The following STXBP5 variants were observed in gnomAD, a reference collection of about 807,000 sequenced individuals.
STXBP5 encodes syntaxin-binding protein 5.
A neutral mutation model predicts 152.4 loss-of-function variants in STXBP5; 50 were observed. The observed-to-expected ratio is 0.33, with a 90% CI of 0.26 to 0.42. The LOEUF is 0.42. STXBP5 is among the 10% of genes least tolerant of loss of function. STXBP5 has a pLI of 1.00. For missense variants in STXBP5, 1,167 were observed against 1,388.6 expected (o/e 0.84, Z 2.54); for synonymous variants, 492 against 494.7 (o/e 0.99, Z 0.07).
chr6:147,367,435 G>A (rs1347214616), intron 25 of STXBP5, among the ~76,000 whole-genome samples: 2 of 151,994 alleles, frequency 1.3e-5, no homozygotes, highest in Non-Finnish European at 2.9e-5. Context: ...TCAGGAGATC[G>A]AGACCATCCT....
At position 147,385,723 on chromosome 6, in the gene STXBP5, A is replaced by G. The variant is rs1379330736; in HGVS notation, c.*968A>G. 1.3e-5 allele frequency: 2 copies of G among 152,088 alleles called. No individual in the cohort carries two copies. The highest frequency in any genetic ancestry group is 1.3e-4 in the Admixed American group (2 of 15,246). The allele number at this position is 152,088 out of a possible 1,614,324, so 9.4% of individuals were successfully genotyped here. ...ATGTACCTTTGCATTCTTTAATTAA[A>G]ATTGCTTAAAAAAAAACTTTCATTA... On this transcript the variant is annotated 3_prime_UTR_variant, in exon 28 of 28. Coordinates refer to ENST00000321680, the MANE Select transcript of STXBP5 (RefSeq NM_001127715.4).
In STXBP5 at chr6:147,380,095, CACA is replaced by C. The variant is rs142881195; in HGVS notation, c.3194-2678_3194-2676del. Reference sequence around the variant, plus strand: ...CATTTAACACAATTCATATCAAAATCACAACAATTTTTTTTCAGAAAGCAGTAA... The same window carrying C: ...CATTTAACACAATTCATATCAAAATCACAATTTTTTTTCAGAAAGCAGTAA... On this transcript the variant is annotated intron_variant, in intron 26 of 27. Coordinates refer to ENST00000321680, the MANE Select transcript of STXBP5 (RefSeq NM_001127715.4). 7.7e-3 allele frequency among the ~76,000 whole-genome samples: 1,162 copies of C among 151,626 alleles called. 19 individuals are homozygous for C. Among genetic ancestry groups the C allele is most frequent in the African/African-American group, 0.026 (1,067 of 41,324 alleles).
At chr6:147,266,025 T>C (rs192857861) in intron 6 of STXBP5, among the ~76,000 whole-genome samples, 11 of 152,110 alleles carry the variant, frequency 7.2e-5, no homozygotes, top group African/African-American at 2.7e-4. Flanking sequence ...ATCTGAAAGA[T>C]GAGAAGGACT....
chr6:147,236,507 G>A (rs1300402442), intron 3 of STXBP5, among the ~76,000 whole-genome samples: 2 of 152,036 alleles, frequency 1.3e-5, no homozygotes, highest in African/African-American at 4.8e-5. Flanking sequence ...TAGTATGATA[G>A]CAAACCAGGA....
At chr6:147,277,940 A>G in intron 7 of STXBP5, 141 bp from the exon 8 acceptor site, 1 of 709,430 alleles carries the variant, frequency 1.4e-6, no homozygotes, top group Non-Finnish European at 2.2e-6. Context: ...AGAGGGCCAA[A>G]TTATTATGGA....
chr6:147,360,052 G>A (rs959351938), intron 23 of STXBP5, among the ~76,000 whole-genome samples: 4 of 152,162 alleles, frequency 2.6e-5, no homozygotes, highest in Non-Finnish European at 4.4e-5. Context: ...AAAAATGCTC[G>A]CCATCACTGG....
intron 18 of STXBP5, among the ~76,000 whole-genome samples, chr6:147,333,317 T>A (rs1783672575): frequency 6.6e-6 from 1 of 151,726 alleles, no homozygotes; most frequent in Non-Finnish European, 1.5e-5. Flanking sequence ...AAGTCAGGAG[T>A]TCCAGACCAA....
At chr6:147,212,668 G>T (rs1472107408) in intron 2 of STXBP5, among the ~76,000 whole-genome samples, 1 of 152,154 alleles carries the variant, frequency 6.6e-6, no homozygotes, top group African/African-American at 2.4e-5. Flanking sequence ...AGAGAATGAA[G>T]TGTTAGACTC....
intron 2 of STXBP5, among the ~76,000 whole-genome samples, chr6:147,219,799 GT>G (rs35444906): frequency 0.033 from 2,801 of 86,078 alleles, 42 homozygotes; most frequent in African/African-American, 0.11. Context: ...CTAGAAGCTT[GT>G]TTTTTTTTTT....
In STXBP5 at chr6:147,389,273, A is replaced by G. The variant is rs1178755598; in HGVS notation, c.*4518A>G. On this transcript the variant is annotated 3_prime_UTR_variant, in exon 28 of 28. Transcript: ENST00000321680. The stretch of plus-strand genomic sequence containing the variant: ...TTTAAAAAAGGTTCTGTAGACAGAA[A>G]ACAGTTGTTGCAACCAAAAACAACC... 1 of 151,798 alleles carries G rather than the reference A, an allele frequency of 6.6e-6. No individual in the cohort carries two copies. The highest frequency in any genetic ancestry group is 1.5e-5 in the Non-Finnish European group (1 of 67,750). The allele number at this position is 151,798 out of a possible 1,614,324, so 9.4% of individuals were successfully genotyped here.
chr6:147,382,656 T>A (rs1333996873), intron 26 of STXBP5, 122 bp from the exon 27 acceptor site: 3 of 977,710 alleles, frequency 3.1e-6, no homozygotes, highest in Admixed American at 2.3e-5. Context: ...ATATTTCACT[T>A]TATAATTTTA....
chr6:147,260,807 G>A lies in STXBP5; in HGVS notation c.566+58G>A, dbSNP rs544635146. ...CATCAGTTCTATATATAATAATACC[G>A]TTACATCATAGCCAATCAGTAAATC... On this transcript the variant is annotated intron_variant, in intron 5 of 27. Transcript: ENST00000321680. 5.6e-5 allele frequency: 87 copies of A among 1,551,266 alleles called. No homozygotes were observed. In the South Asian group the frequency reaches 5.6e-4, roughly 10 times the overall value.
At chr6:147,310,283 A>AT (rs1351371741) in intron 10 of STXBP5, 45 bp downstream of exon 10, 1 of 1,175,974 alleles carries the variant, frequency 8.5e-7, no homozygotes, top group Non-Finnish European at 1.1e-6. Flanking sequence ...GAGAGCTGAT[A>AT]TTAAAAAAAA....
rs548937050 is a variant in STXBP5, at chr6:147,336,531, TGAAGTGAATCAAAA to T, written c.2146+2313_2146+2326del. Among the ~76,000 whole-genome samples the T allele has an allele frequency of 2.3e-3, 351 of 152,128 alleles. 1 individual carries two copies. Among genetic ancestry groups the T allele is most frequent in the African/African-American group, 8.1e-3 (335 of 41,536 alleles). The stretch of plus-strand genomic sequence containing the variant: ...AAAAGAATAACAGATGGGATGAATT[TGAAGTGAATCAAAA>T]GAACCACAAGGGGATCATGTTTTAA... On this transcript the variant is annotated intron_variant, in intron 19 of 27. Coordinates refer to ENST00000321680, the MANE Select transcript of STXBP5 (RefSeq NM_001127715.4).
intron 5 of STXBP5, among the ~76,000 whole-genome samples, chr6:147,261,485 G>C (rs1246007256): frequency 6.6e-6 from 1 of 152,114 alleles, no homozygotes; most frequent in South Asian, 2.1e-4. Flanking sequence ...TAAGCAAATA[G>C]TGTTGTATTG....
In STXBP5 at chr6:147,277,564, T is replaced by C. The variant is rs141092905; in HGVS notation, c.715-517T>C. ...CTTATCAGAACAGTGTCCCCTGAGA[T>C]TAAAAATTGCCTCAGTAATTACTGT... On this transcript the variant is annotated intron_variant, in intron 7 of 27. Coordinates refer to ENST00000321680, the MANE Select transcript of STXBP5 (RefSeq NM_001127715.4). 5.4e-3 allele frequency among the ~76,000 whole-genome samples: 824 copies of C among 152,156 alleles called. 4 individuals are homozygous for C. Among genetic ancestry groups the C allele is most frequent in the Middle Eastern group, 0.014 (4 of 294 alleles).
At chr6:147,332,512 C>T (rs930966749) in intron 18 of STXBP5, among the ~76,000 whole-genome samples, 3 of 152,146 alleles carry the variant, frequency 2.0e-5, no homozygotes, top group Admixed American at 6.5e-5. Context: ...ACATTTCATA[C>T]AAGAGAACAA....
intron 9 of STXBP5, among the ~76,000 whole-genome samples, chr6:147,308,078 A>T (rs1782182753): frequency 6.6e-6 from 1 of 152,218 alleles, no homozygotes; most frequent in African/African-American, 2.4e-5. Flanking sequence ...CATATAGAAT[A>T]CCTGGCTCAA....
intron 2 of STXBP5, among the ~76,000 whole-genome samples, chr6:147,211,225 C>T (rs1415892832): frequency 1.3e-5 from 2 of 151,208 alleles, no homozygotes; most frequent in Non-Finnish European, 2.9e-5. Flanking sequence ...AGGAGAATCG[C>T]TTGAACCCGG....
Sources: allele counts gnomAD v4.1 joint callset (sites outside exome capture counted in the v4.1 genomes callset), GRCh38; gene constraint gnomAD v4.1.1; transcripts MANE v1.5; gene names NCBI Gene and HGNC (gene_info 2026-07-23, HGNC 2026-07-21).